Variants in MPP7 observed in about 807,000 individuals in gnomAD.
MPP7 encodes the protein MAGUK p55 subfamily member 7.
In MPP7, 60 loss-of-function variants were observed where a neutral mutation model predicts 76.5. The ratio of observed to expected loss-of-function variants is 0.78; its 90% CI spans 0.64 to 0.97. The LOEUF (loss-of-function observed/expected upper bound fraction) is 0.97. Among genes scored for constraint, MPP7 ranks in the 50% least tolerant of loss-of-function variants. MPP7 has a pLI of 0.00. For missense variants in MPP7, 641 were observed against 694.0 expected (o/e 0.92, Z 0.86); for synonymous variants, 237 against 244.5 (o/e 0.97, Z 0.29).
chr10:28,274,611 T>C (rs1210715845), intron 1 of MPP7, among the ~76,000 whole-genome samples: 1 of 152,180 alleles, frequency 6.6e-6, no homozygotes, highest in East Asian at 1.9e-4. Flanking sequence ...GAAAAAGATT[T>C]ATAGGGCAAT....
intron 11 of MPP7, among the ~76,000 whole-genome samples, chr10:28,100,395 A>G (rs1853770228): frequency 6.6e-6 from 1 of 152,170 alleles, no homozygotes; most frequent in Admixed American, 6.5e-5. Flanking sequence ...ACAGTAACAA[A>G]CAAGTAAAAA....
chr10:28,286,773 T>A (rs1014739920), intron 1 of MPP7, among the ~76,000 whole-genome samples: 4 of 152,006 alleles, frequency 2.6e-5, no homozygotes, highest in Admixed American at 2.0e-4. Flanking sequence ...GCACCACCAG[T>A]ATAGGTCCTC....
chr10:28,162,685 T>C (rs1256663412), intron 3 of MPP7, among the ~76,000 whole-genome samples: 1 of 152,194 alleles, frequency 6.6e-6, no homozygotes, highest in East Asian at 1.9e-4. Flanking sequence ...CAGGACTTAC[T>C]TCCTGGTGTC....
At chr10:28,080,588 G>C (rs1458971451) in intron 12 of MPP7, among the ~76,000 whole-genome samples, 1 of 152,170 alleles carries the variant, frequency 6.6e-6, no homozygotes, top group Admixed American at 6.5e-5. Context: ...ATGGCACAAG[G>C]GCAAAAATGT....
intron 2 of MPP7, among the ~76,000 whole-genome samples, chr10:28,218,222 G>T (rs1364381421): frequency 6.6e-6 from 1 of 152,156 alleles, no homozygotes; most frequent in African/African-American, 2.4e-5. Context: ...AAAATCGGAC[G>T]CTGGAAAGGA....
chr10:28,299,096 G>A (rs923498891), intron 1 of MPP7, among the ~76,000 whole-genome samples: 5 of 152,134 alleles, frequency 3.3e-5, no homozygotes, highest in African/African-American at 1.2e-4. Flanking sequence ...TCATTTGGAC[G>A]TTCAGCAGAG....
intron 2 of MPP7, among the ~76,000 whole-genome samples, chr10:28,313,492 C>A (rs1384744940): frequency 1.3e-5 from 2 of 149,832 alleles, no homozygotes; most frequent in African/African-American, 4.9e-5. Flanking sequence ...GGCGACAGAG[C>A]AAGACTCTGT....
At chr10:28,084,475 C>G (rs1224340852) in intron 12 of MPP7, among the ~76,000 whole-genome samples, 1 of 152,204 alleles carries the variant, frequency 6.6e-6, no homozygotes, top group African/African-American at 2.4e-5. Flanking sequence ...GAAATGCAGG[C>G]TCTCTGACCC....
intron 1 of MPP7, among the ~76,000 whole-genome samples, chr10:28,257,296 T>C (rs76394348): frequency 0.013 from 1,918 of 152,202 alleles, 41 homozygotes; most frequent in African/African-American, 0.044. Flanking sequence ...ACCAATCAAG[T>C]ATGTCTTCCT....
chr10:28,236,067 C>G (rs541077296), intron 2 of MPP7, among the ~76,000 whole-genome samples: 1 of 152,072 alleles, frequency 6.6e-6, no homozygotes, highest in African/African-American at 2.4e-5. Flanking sequence ...CCCAACAGAT[C>G]GGTAAAAATT....
chr10:28,326,171 G>A (rs1288658476), intron 2 of MPP7, among the ~76,000 whole-genome samples: 8 of 152,016 alleles, frequency 5.3e-5, no homozygotes, highest in African/African-American at 1.2e-4. Flanking sequence ...GCAGAGAAAC[G>A]TTTTTCAGGT....
intron 2 of MPP7, among the ~76,000 whole-genome samples, chr10:28,203,514 A>AAC (rs1554851054): frequency 0.014 from 2,086 of 147,476 alleles, 40 homozygotes; most frequent in African/African-American, 0.047. Flanking sequence ...AAAAAAAAAA[A>AAC]AACCTTCTCT....
At chr10:28,322,373 T>TA (rs994264213) in intron 2 of MPP7, among the ~76,000 whole-genome samples, 4 of 151,848 alleles carry the variant, frequency 2.6e-5, no homozygotes, top group Admixed American at 6.6e-5. Flanking sequence ...CCTGCTTTTC[T>TA]AAAAAAATAA....
chr10:28,216,136 G>A (rs149024576), intron 2 of MPP7, among the ~76,000 whole-genome samples: 1 of 147,924 alleles, frequency 6.8e-6, no homozygotes, highest in African/African-American at 2.5e-5. Flanking sequence ...ACCCAACACT[G>A]GGAGGCTGAG....
intron 1 of MPP7, among the ~76,000 whole-genome samples, chr10:28,285,792 A>G (rs551603702): frequency 6.6e-6 from 1 of 152,326 alleles, no homozygotes; most frequent in South Asian, 2.1e-4. Flanking sequence ...AAAGAACAAA[A>G]GAACATGTTA....
chr10:28,322,171 G>A lies in MPP7; in HGVS notation c.-132+7758C>T, dbSNP rs888485701. Among the ~76,000 whole-genome samples, 4 of 151,982 alleles carry A rather than the reference G, an allele frequency of 2.6e-5. No homozygotes were observed. The South Asian group carries it at 8.3e-4, about 32-fold the overall frequency. On this transcript the variant is annotated intron_variant, in intron 2 of 11. Transcript: ENST00000441595. ...CACTCCAGGACTTGCAATCAACTTA[G>A]CAGGCAATTGACCATGGTAAGGAGA...
intron 11 of MPP7, among the ~76,000 whole-genome samples, chr10:28,106,193 T>C (rs1009448120): frequency 6.6e-6 from 1 of 152,156 alleles, no homozygotes; most frequent in Non-Finnish European, 1.5e-5. Flanking sequence ...TAGTCTTAAT[T>C]CCACCCAATC....
chr10:28,210,841 C>A (rs1337198558), intron 2 of MPP7, among the ~76,000 whole-genome samples: 3 of 152,172 alleles, frequency 2.0e-5, no homozygotes, highest in African/African-American at 7.2e-5. Context: ...GTTCATTAAG[C>A]CATCTCATAT....
At chr10:28,215,307 G>C (rs1010593839) in intron 2 of MPP7, among the ~76,000 whole-genome samples, 4 of 104,498 alleles carry the variant, frequency 3.8e-5, no homozygotes, top group Non-Finnish European at 6.0e-5. Context: ...CAGTGGGCAA[G>C]GGAACCCATT....
Sources: gnomAD v4.1 joint callset for allele counts (sites outside exome capture counted in the v4.1 genomes callset) on GRCh38, gnomAD v4.1.1 for gene constraint, MANE v1.5 for transcripts, NCBI Gene and HGNC (gene_info 2026-07-23, HGNC 2026-07-21) for gene names.